C1QTNF7: variants seen among roughly 807,000 people sequenced by gnomAD.
C1QTNF7 encodes the protein C1q and TNF related 7, also known as complement C1q tumor necrosis factor-related protein 7.
Under a neutral mutation model 19.6 loss-of-function variants are expected in C1QTNF7, and 15 were observed. The observed-to-expected ratio is 0.76, with a 90% confidence interval of 0.51 to 1.18. The LOEUF is 1.18. C1QTNF7 is among the 50% of genes most tolerant of loss of function. C1QTNF7 has a pLI of 0.00. For synonymous variants in C1QTNF7, 142 were observed against 137.5 expected, an observed-to-expected ratio of 1.03 and a Z score of -0.23; for missense variants, 324 against 359.7, an observed-to-expected ratio of 0.90 and a Z score of 0.80.
intron 1 of C1QTNF7, among the ~76,000 whole-genome samples, chr4:15,360,532 T>C (rs552558377): frequency 6.6e-6 from 1 of 152,288 alleles, no homozygotes; most frequent in Admixed American, 6.5e-5. Flanking sequence ...ATAAGGCACA[T>C]CATAGCTTTC....
intron 2 of C1QTNF7, among the ~76,000 whole-genome samples, chr4:15,437,345 A>C (rs1712577734): frequency 6.6e-6 from 1 of 152,008 alleles, no homozygotes; most frequent in Admixed American, 6.6e-5. Context: ...GTTGGTGGTA[A>C]TAAGGGTGAT....
intron 1 of C1QTNF7, among the ~76,000 whole-genome samples, chr4:15,395,675 C>T (rs903319808): frequency 6.6e-6 from 1 of 152,078 alleles, no homozygotes; most frequent in African/African-American, 2.4e-5. Context: ...GAGGGAGGGT[C>T]CATTGTTCAA....
At chr4:15,349,875 A>G (rs1329337731) in intron 1 of C1QTNF7, among the ~76,000 whole-genome samples, 2 of 152,136 alleles carry the variant, frequency 1.3e-5, no homozygotes, top group African/African-American at 4.8e-5. Flanking sequence ...GAGTCTCATA[A>G]GGAAGGCAAT....
chr4:15,422,691 A>G (rs2108927467), intron 1 of C1QTNF7, among the ~76,000 whole-genome samples: 1 of 152,238 alleles, frequency 6.6e-6, no homozygotes, highest in Middle Eastern at 3.4e-3. Context: ...TGCAGCTTCA[A>G]CATCTCGGGC....
At chr4:15,404,177 A>T (rs192574770) in intron 1 of C1QTNF7, among the ~76,000 whole-genome samples, 112 of 152,260 alleles carry the variant, frequency 7.4e-4, no homozygotes, top group Admixed American at 1.2e-3. Flanking sequence ...ATCCATATAG[A>T]TATAGATGTT....
chr4:15,356,444 G>T (rs1317637861), intron 1 of C1QTNF7, among the ~76,000 whole-genome samples: 2 of 152,022 alleles, frequency 1.3e-5, no homozygotes, highest in African/African-American at 4.8e-5. Flanking sequence ...CTTTTTTATG[G>T]CTGCCTAGTA....
chr4:15,383,830 A>G (rs1331322488), intron 1 of C1QTNF7, among the ~76,000 whole-genome samples: 2 of 152,236 alleles, frequency 1.3e-5, no homozygotes, highest in African/African-American at 4.8e-5. Flanking sequence ...TTGGAAGGAC[A>G]GAGATGCATG....
intron 1 of C1QTNF7, among the ~76,000 whole-genome samples, chr4:15,375,536 G>A (rs16891811): frequency 0.13 from 19,661 of 152,160 alleles, 1,607 homozygotes; most frequent in East Asian, 0.4. Flanking sequence ...AAATCAAATT[G>A]TGGGTAATGA....
chr4:15,358,485 T>C (rs541121039), intron 1 of C1QTNF7: 8 of 152,166 alleles, frequency 5.3e-5, no homozygotes, highest in Admixed American at 1.3e-4. Context: ...CAGTATTTTA[T>C]TGAGGATTTT....
intron 1 of C1QTNF7, among the ~76,000 whole-genome samples, chr4:15,384,151 GATA>G (rs1196769133): frequency 3.3e-5 from 5 of 152,154 alleles, no homozygotes; most frequent in African/African-American, 7.2e-5. Context: ...AGATGACTAT[GATA>G]ATGTTTTTCT....
At chr4:15,435,231 C>A (rs952563558) in intron 1 of C1QTNF7, among the ~76,000 whole-genome samples, 4 of 152,146 alleles carry the variant, frequency 2.6e-5, no homozygotes, top group Admixed American at 2.6e-4. Flanking sequence ...GTTCATGATA[C>A]ATTGTCAAGT....
chr4:15,426,396 G>T (rs1289805959), upstream of C1QTNF7, among the ~76,000 whole-genome samples: 1 of 152,016 alleles, frequency 6.6e-6, no homozygotes, highest in Non-Finnish European at 1.5e-5. Context: ...CATTTTCAAA[G>T]GTTCATTCTC....
chr4:15,344,362 A>T (rs1716645734), intron 1 of C1QTNF7, among the ~76,000 whole-genome samples: 1 of 152,208 alleles, frequency 6.6e-6, no homozygotes, highest in East Asian at 1.9e-4. Flanking sequence ...TCCAATTAGG[A>T]ATCTAGATAT....
chr4:15,377,567 T>TTTG (rs1265665822), intron 1 of C1QTNF7, among the ~76,000 whole-genome samples: 4 of 152,166 alleles, frequency 2.6e-5, no homozygotes, highest in African/African-American at 9.7e-5. Context: ...GAATATAATA[T>TTTG]CTTCAAGTTG....
In C1QTNF7 at chr4:15,414,527, A is replaced by G. The variant is rs1371339416; in HGVS notation, c.14-21209A>G. Among the ~76,000 whole-genome samples, 9 of 151,642 alleles carry G rather than the reference A, an allele frequency of 5.9e-5. No homozygotes were observed. In the South Asian group the frequency reaches 1.7e-3, roughly 28 times the overall value. ...CACATTTTCTTCCATTCAACACATT[A>G]TTAACTCTGGTGTGACAAAAAGAGA... On this transcript the variant is annotated intron_variant, in intron 1 of 2. Transcript: ENST00000295297.
chr4:15,379,174 G>A (rs1036430328), intron 1 of C1QTNF7, among the ~76,000 whole-genome samples: 3 of 151,936 alleles, frequency 2.0e-5, no homozygotes, highest in Non-Finnish European at 4.4e-5. Flanking sequence ...TAATTTTTTT[G>A]TAAACAAGTT....
At chr4:15,374,917 C>A in intron 1 of C1QTNF7, 1 of 284,452 alleles carries the variant, frequency 3.5e-6, no homozygotes, top group Non-Finnish European at 5.2e-6. Context: ...GGGGCTTAGT[C>A]AATAACACAA....
intron 1 of C1QTNF7, among the ~76,000 whole-genome samples, chr4:15,363,025 G>A (rs1435163328): frequency 6.6e-6 from 1 of 152,142 alleles, no homozygotes; most frequent in Admixed American, 6.5e-5. Flanking sequence ...TTGAACCTGG[G>A]TTCCCTGCCT....
chr4:15,427,926 C>T (rs112276105), upstream of C1QTNF7: 547 of 608,432 alleles, frequency 9.0e-4, 2 homozygotes, highest in African/African-American at 0.011. Context: ...ACTTCCAGGG[C>T]CTTTGGCTCT....
Sources: gnomAD v4.1 joint callset for allele counts (sites outside exome capture counted in the v4.1 genomes callset) on GRCh38, gnomAD v4.1.1 for gene constraint, MANE v1.5 for transcripts, NCBI Gene and HGNC (gene_info 2026-07-23, HGNC 2026-07-21) for gene names.